Variants in ANKRD28 observed in about 807,000 individuals in gnomAD.
ANKRD28 encodes the protein serine/threonine-protein phosphatase 6 regulatory ankyrin repeat subunit A.
ANKRD28 carries 44 observed loss-of-function variants against 126.5 expected under a neutral mutation model. That is an observed-to-expected ratio of 0.35 (90% CI 0.27 to 0.45). ANKRD28 has a LOEUF of 0.45. Ranked by LOEUF, ANKRD28 falls within the 20% of genes least tolerant of loss-of-function variation. The pLI is 1.00. For synonymous variants in ANKRD28, 442 were observed against 468.5 expected, an observed-to-expected ratio of 0.94 and a Z score of 0.73; for missense variants, 1,110 against 1,316.6, an observed-to-expected ratio of 0.84 and a Z score of 2.43.
intron 1 of ANKRD28, among the ~76,000 whole-genome samples, chr3:15,829,776 C>A (rs1382052469): frequency 6.6e-6 from 1 of 152,136 alleles, no homozygotes; most frequent in Admixed American, 6.5e-5. Flanking sequence ...TGCTTGGAAG[C>A]TCAAATTTCA....
intron 2 of ANKRD28, among the ~76,000 whole-genome samples, chr3:15,770,199 A>G (rs1395112588): frequency 6.6e-6 from 1 of 152,140 alleles, no homozygotes; most frequent in Admixed American, 6.5e-5. Flanking sequence ...GACAACTGTA[A>G]AACAACTGTT....
At chr3:15,856,892 C>G (rs907238562) in intron 1 of ANKRD28, among the ~76,000 whole-genome samples, 2 of 152,140 alleles carry the variant, frequency 1.3e-5, no homozygotes, top group Non-Finnish European at 2.9e-5. Context: ...GCGAAACAGA[C>G]CTAAAAAAGT....
exon 1 of ANKRD28, chr3:15,859,440 C>T: frequency 6.6e-7 from 1 of 1,507,098 alleles, no homozygotes; most frequent in Non-Finnish European, 8.8e-7. Flanking sequence ...CCTCCTCCTC[C>T]TCCGCCGCTG....
chr3:15,834,185 A>G (rs1192351664), intron 1 of ANKRD28, among the ~76,000 whole-genome samples: 2 of 152,064 alleles, frequency 1.3e-5, no homozygotes, highest in Admixed American at 1.3e-4. Flanking sequence ...GTATTTTTAT[A>G]GTTTCAGGTC....
At chr3:15,859,281 C>A in intron 1 of ANKRD28, 3 of 1,481,684 alleles carry the variant, frequency 2.0e-6, no homozygotes, top group Non-Finnish European at 8.9e-7. Context: ...CGCAACCACC[C>A]CGCCGAGCGG....
intron 2 of ANKRD28, among the ~76,000 whole-genome samples, chr3:15,777,843 C>T (rs1314841969): frequency 1.5e-5 from 2 of 134,938 alleles, no homozygotes; most frequent in African/African-American, 5.5e-5. Context: ...ATCACCAAAA[C>T]CAAACTACAC....
chr3:15,719,543 T>C (rs2073463024), intron 8 of ANKRD28, among the ~76,000 whole-genome samples: 2 of 152,326 alleles, frequency 1.3e-5, no homozygotes, highest in African/African-American at 2.4e-5. Flanking sequence ...TATAAAATTA[T>C]ATAGTGAAAG....
intron 8 of ANKRD28, among the ~76,000 whole-genome samples, chr3:15,720,379 C>A (rs1460749846): frequency 6.6e-6 from 1 of 152,074 alleles, no homozygotes; most frequent in African/African-American, 2.4e-5. Context: ...ATTGTAGATT[C>A]ATCTATCCTT....
At chr3:15,709,614 A>G in intron 13 of ANKRD28, 54 bp downstream of exon 13, 5 of 1,251,840 alleles carry the variant, frequency 4.0e-6, no homozygotes, top group Non-Finnish European at 4.5e-6. Flanking sequence ...TTAGAAGGTC[A>G]ATCAAGTTAT....
chr3:15,723,577 G>C (rs1357590004), intron 7 of ANKRD28, among the ~76,000 whole-genome samples: 1 of 152,076 alleles, frequency 6.6e-6, no homozygotes, highest in Non-Finnish European at 1.5e-5. Context: ...AGGGTCACTT[G>C]AGGTCAAGAG....
At chr3:15,711,297 T>C (rs371771067) in intron 11 of ANKRD28, 23 bp from the exon 12 acceptor site, 5 of 1,570,738 alleles carry the variant, frequency 3.2e-6, no homozygotes, top group Non-Finnish European at 4.4e-6. Flanking sequence ...ATACATCTTA[T>C]TTATAACAGA....
chr3:15,771,203 A>G (rs569547643), intron 2 of ANKRD28, among the ~76,000 whole-genome samples: 19 of 152,188 alleles, frequency 1.2e-4, no homozygotes, highest in African/African-American at 4.3e-4. Flanking sequence ...TGAGGACAGG[A>G]GTTGGAGACC....
chr3:15,801,577 A>C (rs921103973), upstream of ANKRD28, among the ~76,000 whole-genome samples: 3 of 152,202 alleles, frequency 2.0e-5, no homozygotes, highest in Non-Finnish European at 4.4e-5. This position sits in a 1 kb window ranked among gnomAD's most constrained non-coding sequence, Gnocchi z 4.9. Context: ...AATCCTCACC[A>C]ATCTTCTTGA....
intron 4 of ANKRD28, among the ~76,000 whole-genome samples, chr3:15,748,951 G>A (rs183249672): frequency 9.2e-5 from 14 of 152,030 alleles, no homozygotes; most frequent in Admixed American, 6.5e-4. Context: ...GTCTTCAAGC[G>A]CTAAAGTTCT....
chr3:15,762,843 T>C (rs1038217720), intron 3 of ANKRD28, among the ~76,000 whole-genome samples: 1 of 152,218 alleles, frequency 6.6e-6, no homozygotes, highest in African/African-American at 2.4e-5. Flanking sequence ...CTCATTTGCT[T>C]CTTTAAGCCT....
intron 1 of ANKRD28, among the ~76,000 whole-genome samples, chr3:15,829,319 A>G (rs549309174): frequency 2.0e-5 from 3 of 152,184 alleles, no homozygotes; most frequent in Non-Finnish European, 4.4e-5. Context: ...TTTTGCATTC[A>G]ATTTGCTGCA....
intron 20 of ANKRD28, 111 bp from the exon 21 acceptor site, chr3:15,685,556 T>G (rs2125762047): frequency 1.1e-6 from 1 of 912,278 alleles, no homozygotes; most frequent in Non-Finnish European, 1.7e-6. Flanking sequence ...TTCCATCAAT[T>G]AAAGCCATTT....
Position 15,853,211 on chromosome 3 carries a change from A to C in ANKRD28, c.27+6166T>G, listed in dbSNP as rs2061688878. Among the ~76,000 whole-genome samples, 1 of 152,158 alleles carries C rather than the reference A, an allele frequency of 6.6e-6. No individual in the cohort carries two copies. Among genetic ancestry groups the C allele is most frequent in the Non-Finnish European group, 1.5e-5 (1 of 68,036 alleles). On this transcript the variant is annotated intron_variant, in intron 1 of 27. Coordinates refer to the ANKRD28 transcript ENST00000399451. This position sits in a 1 kb window ranked among gnomAD's most constrained non-coding sequence, Gnocchi z 4.2. ...AATTTAAGGTATTACTTTGTTACTG[A>C]TTTGATATGATGTGAACCGCCCATA...
intron 3 of ANKRD28, among the ~76,000 whole-genome samples, chr3:15,757,381 A>T (rs1311348447): frequency 1.3e-5 from 2 of 152,188 alleles, no homozygotes; most frequent in South Asian, 4.1e-4. Context: ...GTGCTAAATC[A>T]TCCTTATGAT....
Sources: gnomAD v4.1 joint callset for allele counts (sites outside exome capture counted in the v4.1 genomes callset) on GRCh38, gnomAD v4.1.1 for gene constraint, Gnocchi (gnomAD v3.1) non-coding constraint, MANE v1.5 for transcripts, NCBI Gene and HGNC (gene_info 2026-07-23, HGNC 2026-07-21) for gene names.